NDUFAF6: variants seen among roughly 807,000 people sequenced by gnomAD.
The protein encoded by NDUFAF6 is NADH dehydrogenase (ubiquinone) complex I, assembly factor 6.
In NDUFAF6, 45 loss-of-function variants were observed where a neutral mutation model predicts 40.8. That is an observed-to-expected ratio of 1.10 (90% CI 0.87 to 1.42). NDUFAF6 has a LOEUF of 1.42. Among genes scored for constraint, NDUFAF6 ranks in the 40% most tolerant of loss-of-function variants. The pLI is 0.00. For missense variants in NDUFAF6, 435 were observed against 418.5 expected, an observed-to-expected ratio of 1.04 and a Z score of -0.34; for synonymous variants, 185 against 155.9, an observed-to-expected ratio of 1.19 and a Z score of -1.39.
chr8:95,060,155 G>A (rs1482900037), downstream of NDUFAF6, among the ~76,000 whole-genome samples: 6 of 152,112 alleles, frequency 3.9e-5, 1 homozygote, highest in Admixed American at 3.9e-4. Context: ...AGATTTGGAT[G>A]AACTAAAGTT....
downstream of NDUFAF6, among the ~76,000 whole-genome samples, chr8:95,063,192 T>G (rs551460687): frequency 1.3e-5 from 2 of 152,378 alleles, no homozygotes; most frequent in South Asian, 4.1e-4. Context: ...GGAGATTATC[T>G]ACAATGTTTC....
intron 2 of NDUFAF6, among the ~76,000 whole-genome samples, chr8:94,948,452 G>A (rs1822209609): frequency 1.3e-5 from 2 of 152,248 alleles, no homozygotes; most frequent in Non-Finnish European, 2.9e-5. Context: ...GGGCCAAGGA[G>A]AGCGCTCTTT....
intron 2 of NDUFAF6, among the ~76,000 whole-genome samples, chr8:95,011,330 T>A (rs558518021): frequency 1.3e-5 from 2 of 152,376 alleles, no homozygotes; most frequent in Admixed American, 1.3e-4. Context: ...CTCACTTTGT[T>A]ACGCAGAGCA....
chr8:94,994,279 G>A (rs1056153757), intron 2 of NDUFAF6, among the ~76,000 whole-genome samples: 4 of 152,050 alleles, frequency 2.6e-5, no homozygotes, highest in African/African-American at 4.8e-5. Flanking sequence ...GTCTGGGCGC[G>A]GTGGCTCACA....
chr8:95,075,652 C>T (rs903749386), exon 10 of NDUFAF6: 1 of 1,288,300 alleles, frequency 7.8e-7, no homozygotes. Flanking sequence ...GATGCAGACA[C>T]TCAGGGCGTG....
At chr8:95,029,449 G>A (rs1232854975) in intron 1 of NDUFAF6, among the ~76,000 whole-genome samples, 1 of 152,162 alleles carries the variant, frequency 6.6e-6, no homozygotes, top group Non-Finnish European at 1.5e-5. Flanking sequence ...ACTTTGGTCT[G>A]TATATTGTAA....
chr8:94,980,453 T>G (rs1274755388), intron 1 of NDUFAF6, among the ~76,000 whole-genome samples: 5 of 145,962 alleles, frequency 3.4e-5, no homozygotes, highest in African/African-American at 1.0e-4. Context: ...TTTTTTTTTT[T>G]TTTTTTTTTG....
chr8:95,096,794 A>G (rs1347696235), upstream of NDUFAF6, among the ~76,000 whole-genome samples: 2 of 152,188 alleles, frequency 1.3e-5, no homozygotes, highest in Admixed American at 1.3e-4. Context: ...AAACTGCCAT[A>G]CCAGGTTCAT....
chr8:94,917,649 A>G (rs1819227926), intron 1 of NDUFAF6, among the ~76,000 whole-genome samples: 2 of 152,242 alleles, frequency 1.3e-5, no homozygotes, highest in African/African-American at 2.4e-5. Context: ...CATCAACACT[A>G]TAGAGCTTAC....
intron 2 of NDUFAF6, among the ~76,000 whole-genome samples, chr8:94,951,925 C>G (rs1822656859): frequency 6.6e-6 from 1 of 152,238 alleles, no homozygotes; most frequent in African/African-American, 2.4e-5. Context: ...TGCAAGCAAG[C>G]TTTTCATCTG....
chr8:95,007,493 A>C (rs1227977238), intron 2 of NDUFAF6, among the ~76,000 whole-genome samples: 1 of 151,928 alleles, frequency 6.6e-6, no homozygotes, highest in African/African-American at 2.4e-5. Context: ...GTTAGACCCC[A>C]TTTCTACAAA....
At chr8:94,964,231 C>T (rs772109159) in intron 1 of NDUFAF6, among the ~76,000 whole-genome samples, 4 of 151,948 alleles carry the variant, frequency 2.6e-5, no homozygotes, top group African/African-American at 4.8e-5. Context: ...AGTTTGAGAC[C>T]GACCTGGGCA....
chr8:94,925,667 G>A (rs1198384360), intron 1 of NDUFAF6, among the ~76,000 whole-genome samples: 1 of 150,310 alleles, frequency 6.7e-6, no homozygotes, highest in Non-Finnish European at 1.5e-5. Flanking sequence ...AGCCTCCCAA[G>A]TAGCTGAAAC....
intron 1 of NDUFAF6, among the ~76,000 whole-genome samples, chr8:94,961,594 T>C (rs1823582500): frequency 6.6e-6 from 1 of 152,072 alleles, no homozygotes; most frequent in Admixed American, 6.6e-5. Context: ...GCTAATTTTT[T>C]TGTAGTTTTT....
intron 9 of NDUFAF6, chr8:95,066,738 A>C (rs770705888): frequency 2.0e-4 from 30 of 152,256 alleles, no homozygotes; most frequent in Non-Finnish European, 4.1e-4. Flanking sequence ...CGATAAATTC[A>C]AGGCTTTGAT....
intron 1 of NDUFAF6, among the ~76,000 whole-genome samples, chr8:94,941,506 T>C (rs1821529702): frequency 6.6e-6 from 1 of 152,216 alleles, no homozygotes; most frequent in African/African-American, 2.4e-5. Context: ...CATCCTCCTC[T>C]GGCTCATTTT....
intron 1 of NDUFAF6, among the ~76,000 whole-genome samples, chr8:95,026,379 G>C (rs1050458397): frequency 6.6e-6 from 1 of 152,144 alleles, no homozygotes; most frequent in Admixed American, 6.5e-5. Flanking sequence ...GACGTGGGAG[G>C]ATCGCTTCAG....
At chr8:95,060,960 G>A (rs1176294041), downstream of NDUFAF6, among the ~76,000 whole-genome samples, 1 of 152,134 alleles carries the variant, frequency 6.6e-6, no homozygotes, top group Non-Finnish European at 1.5e-5. Flanking sequence ...GTGGGGGGAT[G>A]CTTCACCGGC....
chr8:95,074,808 G>A (rs1391286530), intron 9 of NDUFAF6, among the ~76,000 whole-genome samples: 3 of 152,076 alleles, frequency 2.0e-5, no homozygotes, highest in Non-Finnish European at 4.4e-5. Context: ...CTGGTTTCCT[G>A]TCCTTAGATT....
Sources: gnomAD v4.1 joint callset for allele counts (sites outside exome capture counted in the v4.1 genomes callset) on GRCh38, gnomAD v4.1.1 for gene constraint, MANE v1.5 for transcripts, NCBI Gene and HGNC (gene_info 2026-07-23, HGNC 2026-07-21) for gene names.